RIMS4: variants seen among roughly 807,000 people sequenced by gnomAD.
The protein encoded by RIMS4 is regulating synaptic membrane exocytosis protein 4.
Under a neutral mutation model 29.0 loss-of-function variants are expected in RIMS4, and 9 were observed. That is an observed-to-expected ratio of 0.31 (90% CI 0.19 to 0.54). RIMS4 has a LOEUF of 0.54. RIMS4 is among the 20% of genes least tolerant of loss of function. The probability of loss-of-function intolerance (pLI) is 0.94; values close to 1 mark genes in which losing one functional copy is unlikely to be tolerated. For missense variants in RIMS4, 193 were observed against 365.7 expected, an observed-to-expected ratio of 0.53 and a Z score of 3.85; for synonymous variants, 130 against 152.9, an observed-to-expected ratio of 0.85 and a Z score of 1.10.
chr20:44,759,438 T>C (rs1477535211), intron 2 of RIMS4, among the ~76,000 whole-genome samples: 1 of 152,140 alleles, frequency 6.6e-6, no homozygotes. Context: ...TTGTGTTTTT[T>C]AGTAGAGACA....
chr20:44,761,571 G>A lies in RIMS4; in HGVS notation c.237-3387C>T, dbSNP rs565050945. On this transcript the variant is annotated intron_variant, in intron 2 of 5. Transcript: ENST00000372851. ...GGTGAATGTTCACCCAGCCTCCCAAGGCTCCCCAGTGGGCCTGAGCTCCAG... is the reference window on the plus strand; with the variant it reads ...GGTGAATGTTCACCCAGCCTCCCAAAGCTCCCCAGTGGGCCTGAGCTCCAG... 9.7e-4 allele frequency among the ~76,000 whole-genome samples: 147 copies of A among 152,316 alleles called. 1 individual carries two copies. The highest frequency in any genetic ancestry group is 3.4e-3 in the African/African-American group (141 of 41,572).
rs763112553 is a variant in RIMS4 at position 44,756,882 on chromosome 20, C to T, written c.591+16G>A. 2.4e-5 allele frequency: 38 copies of T among 1,612,520 alleles called. 1 individual carries two copies. Among genetic ancestry groups the T allele is most frequent in the Middle Eastern group, 1.6e-4 (1 of 6,072 alleles). On this transcript the variant is annotated intron_variant, in intron 5 of 5. Coordinates refer to ENST00000372851, the MANE Select transcript of RIMS4 (RefSeq NM_182970.4). This position sits in a 1 kb window ranked among gnomAD's most constrained non-coding sequence, Gnocchi z 5.9. ...TCGTGCACACACACACACGTGAGCG[C>T]GTCAATGCCCCTCACCTGGAGGACT...
At chr20:44,809,352 A>G (rs770736102) in intron 1 of RIMS4, among the ~76,000 whole-genome samples, 3 of 151,990 alleles carry the variant, frequency 2.0e-5, no homozygotes, top group East Asian at 3.9e-4. Context: ...CCAGGGCCCT[A>G]AAGAGTAGGT....
At chr20:44,808,735 T>A (rs1011736176) in intron 1 of RIMS4, among the ~76,000 whole-genome samples, 10 of 152,176 alleles carry the variant, frequency 6.6e-5, no homozygotes, top group African/African-American at 2.4e-4. Flanking sequence ...CTATCCCCAT[T>A]CATTCACCAG....
Position 44,757,723 on chromosome 20 carries a change from T to A in RIMS4, c.398A>T (p.Asp133Val). 6.2e-7 allele frequency: 1 copy of A among 1,614,126 alleles called. No individual in the cohort carries two copies. The highest frequency in any genetic ancestry group is 1.1e-5 in the South Asian group (1 of 91,080). Reference sequence around the variant, plus strand: ...TGTCAGTCCCCGAGCCTGGATAATGTCCACCTCCAACTGACCGTTCCGCTC... The same window carrying A: ...TGTCAGTCCCCGAGCCTGGATAATGACCACCTCCAACTGACCGTTCCGCTC... The part of the protein sequence containing the change: ...LQERNGQLEV[D>V]IIQARGLTAK... Residue 133 changes from aspartate (D) to valine (V), a missense_variant, in exon 4 of 6, where the codon GAC becomes GTC. Physicochemically the swap from Asp to Val is radical, Grantham distance 152. Transcript: ENST00000372851.
intron 1 of RIMS4, among the ~76,000 whole-genome samples, chr20:44,783,277 T>C (rs920935754): frequency 6.6e-6 from 1 of 152,208 alleles, no homozygotes; most frequent in Non-Finnish European, 1.5e-5. Flanking sequence ...CATGGACGAA[T>C]GAACAAACTG....
At chr20:44,790,341 C>G (rs545006101) in intron 1 of RIMS4, among the ~76,000 whole-genome samples, 1 of 152,066 alleles carries the variant, frequency 6.6e-6, no homozygotes, top group Non-Finnish European at 1.5e-5. Flanking sequence ...AAGGCATGCT[C>G]TGGCCAGGCA....
intron 4 of RIMS4, 146 bp from the exon 5 acceptor site, chr20:44,757,183 G>A: frequency 1.1e-6 from 1 of 886,998 alleles, no homozygotes; most frequent in Non-Finnish European, 1.7e-6. Flanking sequence ...ACACATGGGG[G>A]GTGGGCATTT....
At chr20:44,764,133 TCCA>T (rs2066100179) in intron 2 of RIMS4, among the ~76,000 whole-genome samples, 2 of 99,292 alleles carry the variant, frequency 2.0e-5, no homozygotes, top group Non-Finnish European at 4.7e-5. Flanking sequence ...CATCCATCCA[TCCA>T]TTTATGCATC....
intron 1 of RIMS4, among the ~76,000 whole-genome samples, chr20:44,788,757 G>A (rs2066219817): frequency 1.3e-5 from 2 of 151,912 alleles, no homozygotes; most frequent in African/African-American, 4.8e-5. Flanking sequence ...GAAAGACCCT[G>A]TCTCTAAAAA....
chr20:44,771,503 G>C, intron 1 of RIMS4, 90 bp from the exon 2 acceptor site: 1 of 1,415,208 alleles, frequency 7.1e-7, no homozygotes, highest in Non-Finnish European at 9.6e-7. Context: ...CAGTGTTTCA[G>C]CAGCTGGGGG....
rs547805935 is a variant in RIMS4 at position 44,763,216 on chromosome 20, C to A, written c.237-5032G>T. 3.5e-4 allele frequency among the ~76,000 whole-genome samples: 54 copies of A among 152,310 alleles called. 1 individual carries two copies. Among genetic ancestry groups the A allele is most frequent in the Admixed American group, 2.7e-3 (41 of 15,310 alleles). ...TTTGGCATAACGCAGACCCTGGATG[C>A]CAGTACTGTACAACCTGTGGCAAGT... On this transcript the variant is annotated intron_variant, in intron 2 of 5. Transcript: ENST00000372851.
At chr20:44,800,747 G>C (rs1601045852) in intron 1 of RIMS4, among the ~76,000 whole-genome samples, 1 of 152,072 alleles carries the variant, frequency 6.6e-6, no homozygotes, top group African/African-American at 2.4e-5. Context: ...CTGCAGGCAG[G>C]GATACTGAGG....
intron 1 of RIMS4, among the ~76,000 whole-genome samples, chr20:44,791,718 A>G (rs1280983065): frequency 6.6e-6 from 1 of 152,196 alleles, no homozygotes; most frequent in Non-Finnish European, 1.5e-5. Flanking sequence ...CTGAAAATGC[A>G]CAAATGACTC....
At chr20:44,801,416 T>G (rs981279859) in intron 1 of RIMS4, among the ~76,000 whole-genome samples, 2 of 152,160 alleles carry the variant, frequency 1.3e-5, no homozygotes, top group Non-Finnish European at 2.9e-5. Context: ...ATAAACTGAC[T>G]CAGTAAACTC....
chr20:44,792,544 A>T (rs2066237742), intron 1 of RIMS4, among the ~76,000 whole-genome samples: 2 of 152,072 alleles, frequency 1.3e-5, no homozygotes, highest in Admixed American at 1.3e-4. Flanking sequence ...CACCCACCTC[A>T]GCCTCCCAAA....
chr20:44,784,550 C>T (rs1417196750), intron 1 of RIMS4, among the ~76,000 whole-genome samples: 1 of 152,220 alleles, frequency 6.6e-6, no homozygotes, highest in South Asian at 2.1e-4. Flanking sequence ...GGCTCATCCA[C>T]GTCCCAAAAC....
intron 1 of RIMS4, among the ~76,000 whole-genome samples, chr20:44,807,382 T>C (rs1379217550): frequency 1.3e-5 from 2 of 152,176 alleles, no homozygotes; most frequent in African/African-American, 4.8e-5. Flanking sequence ...CTCACACCAT[T>C]TCTCAGGAAA....
chr20:44,774,380 A>G (rs973467945), intron 1 of RIMS4, among the ~76,000 whole-genome samples: 3 of 152,158 alleles, frequency 2.0e-5, no homozygotes, highest in Admixed American at 2.0e-4. Flanking sequence ...GTGGACTGGG[A>G]AAGGCAGACC....
Sources: allele counts gnomAD v4.1 joint callset (sites outside exome capture counted in the v4.1 genomes callset), GRCh38; gene constraint gnomAD v4.1.1; non-coding constraint Gnocchi (gnomAD v3.1); transcripts MANE v1.5; gene names NCBI Gene and HGNC (gene_info 2026-07-23, HGNC 2026-07-21).